Variants in ANKRD24 observed in about 807,000 individuals in gnomAD.
ANKRD24 encodes ankyrin repeat domain 24, also known as ankyrin repeat domain-containing protein 24.
In ANKRD24, 109 loss-of-function variants were observed where a neutral mutation model predicts 127.8. That is an observed-to-expected ratio of 0.85 (90% CI 0.73 to 1.00). The LOEUF (loss-of-function observed/expected upper bound fraction) is 1.00. Among genes scored for constraint, ANKRD24 ranks in the 50% least tolerant of loss-of-function variants. ANKRD24 has a pLI of 0.00. For synonymous variants in ANKRD24, 743 were observed against 671.1 expected, an observed-to-expected ratio of 1.11 and a Z score of -1.66; for missense variants, 1,648 against 1,570.2, an observed-to-expected ratio of 1.05 and a Z score of -0.84.
rs77717663 is a variant in ANKRD24 at position 4,207,213 on chromosome 19, C to T, written c.467-29C>T. ...TGCTGGGATTACAGGGTTGAGCTAC[C>T]GCACCGGACAACCTTTTCTCTTTTG... On this transcript the variant is annotated intron_variant, in intron 7 of 21. Coordinates refer to ENST00000318934, the MANE Select transcript of ANKRD24 (RefSeq NM_001393985.1). The T allele has an allele frequency of 7.5e-4, 1,213 of 1,608,282 alleles. 18 individuals are homozygous for T. The East Asian group carries it at 0.02, about 26-fold the overall frequency.
chr19:4,210,409 T>G, intron 13 of ANKRD24, 37 bp downstream of exon 13: 1 of 1,497,968 alleles, frequency 6.7e-7, no homozygotes, highest in Non-Finnish European at 9.0e-7. Flanking sequence ...TGGGCCAGCC[T>G]GGGTGGGGTC....
chr19:4,223,888 G>A (rs1313480790), intron 20 of ANKRD24, among the ~76,000 whole-genome samples: 1 of 151,882 alleles, frequency 6.6e-6, no homozygotes, highest in Non-Finnish European at 1.5e-5. Context: ...TAGTAGAGAC[G>A]GGATTTTACC....
rs781104882 is a variant in ANKRD24 at position 4,217,392 on chromosome 19, TGCGGAGCTGGAG to T, written c.2237_2248del (p.Glu746_Ala749del). 2.8e-5 allele frequency: 44 copies of T among 1,550,190 alleles called. No homozygotes were observed. In the South Asian group the frequency reaches 5.0e-4, roughly 18 times the overall value. On this transcript the variant is annotated inframe_deletion, in exon 18 of 22. Transcript: ENST00000318934. ...TCCGGCAGCGGGAGCGGGAGGCAGC[TGCGGAGCTGGAG>T]GCGGCCCTGGGGAAGTGCGAGGCCG... is the stretch of plus-strand genomic sequence containing the variant.
chr19:4,224,253 C>A, intron 21 of ANKRD24, 61 bp downstream of exon 21: 8 of 1,510,540 alleles, frequency 5.3e-6, no homozygotes, highest in Non-Finnish European at 7.2e-6. Flanking sequence ...GCTCTCTGAG[C>A]CTCAGTTTCC....
At chr19:4,215,465 CAA>C (rs61437900) in intron 15 of ANKRD24, among the ~76,000 whole-genome samples, 225 of 116,816 alleles carry the variant, frequency 1.9e-3, no homozygotes, top group Middle Eastern at 4.3e-3. Flanking sequence ...AGCCTGGGGG[CAA>C]AAAAAAAAAA....
At chr19:4,223,372 C>CATACATATGT (rs1490877860) in intron 20 of ANKRD24, among the ~76,000 whole-genome samples, 1 of 72,918 alleles carries the variant, frequency 1.4e-5, no homozygotes, top group African/African-American at 7.0e-5. Flanking sequence ...CCTGGCCATA[C>CATACATATGT]ATATATATAT....
chr19:4,202,432 C>T (rs112683852), intron 6 of ANKRD24, among the ~76,000 whole-genome samples: 68,022 of 151,682 alleles, frequency 0.45, 15,617 homozygotes, highest in African/African-American at 0.53. Context: ...TAGCTGGGAG[C>T]GGTGGTGTGT....
chr19:4,199,462 T>C lies in ANKRD24; in HGVS notation c.37-221T>C, dbSNP rs1968957686. 4 of 978,090 alleles carry C rather than the reference T, an allele frequency of 4.1e-6. No homozygotes were observed. Among genetic ancestry groups the C allele is most frequent in the Non-Finnish European group, 4.9e-6 (4 of 823,206 alleles). 60.6% of individuals were successfully genotyped at this position (978,090 alleles called of 1,614,324 possible). On this transcript the variant is annotated intron_variant, in intron 2 of 21. Transcript: ENST00000318934. This position sits in a 1 kb window ranked among gnomAD's most constrained non-coding sequence, Gnocchi z 5.2. ...CCTAGGCTCAAGCGATCCTCCCACC[T>C]TGGCCTCCCCAGATGCTGGGACTAC...
intron 2 of ANKRD24, among the ~76,000 whole-genome samples, chr19:4,192,586 A>G (rs1467587526): frequency 2.0e-5 from 3 of 152,010 alleles, no homozygotes; most frequent in Non-Finnish European, 2.9e-5. Flanking sequence ...GCAGTGACTA[A>G]GATAGACAAA....
intron 1 of ANKRD24, among the ~76,000 whole-genome samples, chr19:4,185,319 G>A (rs1034562673): frequency 6.6e-6 from 1 of 152,050 alleles, no homozygotes; most frequent in Non-Finnish European, 1.5e-5. Context: ...GTGGTGGCCA[G>A]TGGGTGGTTA....
At chr19:4,193,270 C>T (rs1968486029) in intron 2 of ANKRD24, among the ~76,000 whole-genome samples, 2 of 133,752 alleles carry the variant, frequency 1.5e-5, no homozygotes, top group African/African-American at 2.9e-5. Flanking sequence ...CCACTGCACT[C>T]CAGTCTGGGC....
intron 7 of ANKRD24, among the ~76,000 whole-genome samples, chr19:4,206,096 C>T (rs1487797862): frequency 2.0e-5 from 3 of 151,844 alleles, no homozygotes; most frequent in Non-Finnish European, 4.4e-5. Flanking sequence ...GAGCCGAGAT[C>T]GGGCCACTGC....
chr19:4,216,859 G>A lies in ANKRD24; in HGVS notation c.1699G>A (p.Ala567Thr). The change falls in exon 18 of 22, where the codon GCA (alanine) becomes ACA (threonine). Residue 567 changes from alanine (A) to threonine (T), a missense_variant. Coordinates refer to ENST00000318934, the MANE Select transcript of ANKRD24 (RefSeq NM_001393985.1). The part of the protein sequence containing the change: ...NGAETIDEEA[A>T]GDETMEARTM... ...AGCCGAGACCATAGATGAGGAGGCT[G>A]CAGGAGATGAAACCATGGAAGCCAG... 1 of 1,611,012 alleles carries A rather than the reference G, an allele frequency of 6.2e-7. No individual in the cohort carries two copies. Among genetic ancestry groups the A allele is most frequent in the African/African-American group, 1.3e-5 (1 of 74,970 alleles).
intron 7 of ANKRD24, among the ~76,000 whole-genome samples, chr19:4,205,199 C>G (rs773923090): frequency 2.6e-5 from 4 of 152,130 alleles, no homozygotes; most frequent in African/African-American, 7.2e-5. Flanking sequence ...GATCATGCCC[C>G]TGCACAGCCC....
chr19:4,198,233 G>A lies in ANKRD24; in HGVS notation c.37-1450G>A, dbSNP rs1302358908. 3 of 509,480 alleles carry A rather than the reference G, an allele frequency of 5.9e-6. No homozygotes were observed. Among genetic ancestry groups the A allele is most frequent in the East Asian group, 3.5e-5 (1 of 28,870 alleles). 31.6% of individuals were successfully genotyped at this position (509,480 alleles called of 1,614,324 possible). A position where few individuals can be genotyped will look rare whatever the true frequency, so the allele number is the denominator to read the frequency against. On this transcript the variant is annotated intron_variant, in intron 2 of 21. Transcript: ENST00000318934. The surrounding 1 kb of genome is among the most constrained non-coding windows in gnomAD (Gnocchi z 6.1). ...CGACAAGGTCAGGAGGGGCCGGGGC[G>A]GCGCCCCTTCCCTCAGCCCCCAGCC...
chr19:4,210,217 G>A lies in ANKRD24; in HGVS notation c.952-48G>A. ...AGGGGCTCTGGCTGAGACCTGGGAT[G>A]GGGCAACCTTAGGCCCCATCTAAAG... On this transcript the variant is annotated intron_variant, in intron 12 of 21. Transcript: ENST00000318934. 1.9e-6 allele frequency: 3 copies of A among 1,561,458 alleles called. No individual in the cohort carries two copies. In the South Asian group the frequency reaches 3.5e-5, roughly 18 times the overall value.
intron 14 of ANKRD24, 40 bp downstream of exon 14, chr19:4,212,553 C>A: frequency 6.5e-7 from 1 of 1,548,038 alleles, no homozygotes; most frequent in South Asian, 1.2e-5. Context: ...CTCCTGCTGC[C>A]CAGCCTTTCC....
intron 15 of ANKRD24, among the ~76,000 whole-genome samples, chr19:4,212,998 G>A (rs920812458): frequency 9.9e-5 from 15 of 152,138 alleles, no homozygotes; most frequent in Admixed American, 6.6e-5. Flanking sequence ...GAGTGTGGTG[G>A]TGCGCGCCTG....
rs1969798948 is a variant in ANKRD24, at chr19:4,212,507, G to A, written c.1092G>A (p.Glu364=). 6.4e-7 allele frequency: 1 copy of A among 1,563,610 alleles called. No homozygotes were observed. The highest frequency in any genetic ancestry group is 1.4e-5 in the African/African-American group (1 of 73,610). ...SPEASSLHIL[E]RQVQELQQLL... ...AGGCCAGCTCCCTGCACATCCTGGAGAGACAGGTAGGTGGGAAGGTGGGGA... is the reference window on the plus strand; with the variant it reads ...AGGCCAGCTCCCTGCACATCCTGGAAAGACAGGTAGGTGGGAAGGTGGGGA... Residue 364 remains glutamate (E), a synonymous_variant, in exon 14 of 22, where the codon GAG becomes GAA. Coordinates refer to ENST00000318934, the MANE Select transcript of ANKRD24 (RefSeq NM_001393985.1).
Sources: allele counts gnomAD v4.1 joint callset (sites outside exome capture counted in the v4.1 genomes callset), GRCh38; gene constraint gnomAD v4.1.1; non-coding constraint Gnocchi (gnomAD v3.1); transcripts MANE v1.5; gene names NCBI Gene and HGNC (gene_info 2026-07-23, HGNC 2026-07-21).